HK1: variants seen among roughly 807,000 people sequenced by gnomAD.
HK1 encodes the protein hexokinase 1, also known as hexokinase-1.
Under a neutral mutation model 91.6 loss-of-function variants are expected in HK1, and 28 were observed. The observed-to-expected ratio is 0.31, with a 90% CI of 0.23 to 0.42. The LOEUF is 0.42. Among genes scored for constraint, HK1 ranks in the 10% least tolerant of loss-of-function variants. The pLI is 1.00. For synonymous variants in HK1, 430 were observed against 468.1 expected (o/e 0.92, Z 1.05); for missense variants, 770 against 1,219.8 (o/e 0.63, Z 5.49).
At chr10:69,384,731 G>T (rs1164323064) in intron 11 of HK1, 65 bp from the exon 12 acceptor site, 8 of 1,609,110 alleles carry the variant, frequency 5.0e-6, no homozygotes, top group Non-Finnish European at 6.0e-6. Context: ...ACACACTTTG[G>T]TCCATGTGCA....
rs183673818 is a variant in HK1 at position 69,397,529 on chromosome 10, A to G, written c.2376-1066A>G. Among the ~76,000 whole-genome samples, 518 of 152,272 alleles carry G rather than the reference A, an allele frequency of 3.4e-3. 15 individuals carry two copies. Among genetic ancestry groups the G allele is most frequent in the Admixed American group, 5.4e-3 (83 of 15,306 alleles). ...TGTATGACAAGACGCCTAGCAGGGC[A>G]TGGTGGGCTTTGGCAGGTCTGGTCT... On this transcript the variant is annotated intron_variant, in intron 16 of 17. Coordinates refer to ENST00000359426, the MANE Select transcript of HK1 (RefSeq NM_000188.3).
At chr10:69,279,868 G>A (rs550787400) in intron 1 of HK1, among the ~76,000 whole-genome samples, 219 of 152,332 alleles carry the variant, frequency 1.4e-3, no homozygotes, top group Admixed American at 2.5e-3. Flanking sequence ...CAGCTGGAGA[G>A]CACATGTGCT....
chr10:69,398,889 T>G, intron 17 of HK1, 61 bp downstream of exon 17: 1 of 1,333,598 alleles, frequency 7.5e-7, no homozygotes, highest in Admixed American at 1.7e-5. Context: ...GGTTAGGGGG[T>G]ATCAGGGTGT....
At chr10:69,295,692 A>ATTT in intron 4 of HK1, 2 of 1,452,464 alleles carry the variant, frequency 1.4e-6, no homozygotes, top group Non-Finnish European at 1.9e-6. Flanking sequence ...TAAGAAAGCT[A>ATTT]TTTTTTTTTT....
chr10:69,385,047 GC>G, intron 12 of HK1, 132 bp downstream of exon 12: 1 of 1,008,738 alleles, frequency 9.9e-7, no homozygotes, highest in Non-Finnish European at 1.6e-6. Context: ...AGTGGGTTGA[GC>G]CAGGCTTTAT....
intron 2 of HK1, among the ~76,000 whole-genome samples, chr10:69,346,629 G>A (rs1449644681): frequency 7.9e-5 from 12 of 151,696 alleles, no homozygotes. Flanking sequence ...ACCTCCCAAA[G>A]TGCTGGGATT....
At chr10:69,362,610 T>A (rs113559405) in intron 3 of HK1, among the ~76,000 whole-genome samples, 7,293 of 152,082 alleles carry the variant, frequency 0.048, 588 homozygotes, top group African/African-American at 0.17. Context: ...TTCTCAATGG[T>A]GCACTCTGGG....
At chr10:69,297,895 C>CAA (rs369327516) in intron 4 of HK1, among the ~76,000 whole-genome samples, 1 of 108,444 alleles carries the variant, frequency 9.2e-6, no homozygotes, top group Non-Finnish European at 1.9e-5. Context: ...AACTCTGTCT[C>CAA]AAAAAAAAAA....
At chr10:69,368,300 T>C (rs745933033) in intron 4 of HK1, among the ~76,000 whole-genome samples, 9 of 152,234 alleles carry the variant, frequency 5.9e-5, no homozygotes, top group Non-Finnish European at 1.3e-4. Flanking sequence ...TGGAGTGAAC[T>C]GGATATTGTG....
intron 8 of HK1, 129 bp downstream of exon 8, chr10:69,377,218 T>C: frequency 9.3e-7 from 1 of 1,072,032 alleles, no homozygotes; most frequent in Non-Finnish European, 1.4e-6. Flanking sequence ...TGGGTCCGTG[T>C]CCTCTCACTC....
chr10:69,298,907 C>T (rs1845705843), intron 4 of HK1, among the ~76,000 whole-genome samples: 1 of 151,564 alleles, frequency 6.6e-6, no homozygotes, highest in Admixed American at 6.6e-5. Context: ...ACTACTAGGC[C>T]ACCAAATTTT....
At position 69,277,397 on chromosome 10, in the gene HK1, G is replaced by A. The variant is rs11816128; in HGVS notation, c.-390-5132G>A. On this transcript the variant is annotated intron_variant, in intron 1 of 21. Coordinates refer to the HK1 transcript ENST00000360289. ...AGCCTGGGCAAAATGTTGAAACCCC[G>A]CCTCTATTAAAAATACAAAAATTAG... 4.8e-3 allele frequency among the ~76,000 whole-genome samples: 728 copies of A among 152,034 alleles called. 7 individuals are homozygous for A. Among genetic ancestry groups the A allele is most frequent in the African/African-American group, 0.017 (689 of 41,494 alleles).
At chr10:69,336,395 T>C (rs1462319519) in intron 1 of HK1, among the ~76,000 whole-genome samples, 1 of 151,946 alleles carries the variant, frequency 6.6e-6, no homozygotes, top group Non-Finnish European at 1.5e-5. Context: ...TTCTCCATGT[T>C]GGTCAGGCTG....
At chr10:69,288,309 A>T (rs1192147160) in intron 2 of HK1, among the ~76,000 whole-genome samples, 1 of 152,136 alleles carries the variant, frequency 6.6e-6, no homozygotes, top group Non-Finnish European at 1.5e-5. Context: ...TTCTAGAATG[A>T]CAGGCTGCCA....
At chr10:69,387,363 A>G (rs1051832254) in intron 13 of HK1, among the ~76,000 whole-genome samples, 1 of 152,176 alleles carries the variant, frequency 6.6e-6, no homozygotes, top group Non-Finnish European at 1.5e-5. Context: ...ATCTTGGCTC[A>G]CTGCAACCTC....
At chr10:69,322,925 A>G (rs550663622) in intron 1 of HK1, among the ~76,000 whole-genome samples, 1 of 148,358 alleles carries the variant, frequency 6.7e-6, no homozygotes, top group African/African-American at 2.5e-5. Flanking sequence ...ATTATTGCTC[A>G]GGGGTGAGAG....
intron 7 of HK1, among the ~76,000 whole-genome samples, chr10:69,370,711 A>G (rs187246352): frequency 6.6e-6 from 1 of 152,256 alleles, no homozygotes; most frequent in Admixed American, 6.5e-5. Flanking sequence ...AGTCATGTAG[A>G]CGTTAGGGAG....
At chr10:69,389,105 C>T (rs1839779350) in intron 13 of HK1, 92 bp from the exon 14 acceptor site, 1 of 908,838 alleles carries the variant, frequency 1.1e-6, no homozygotes, top group African/African-American at 1.6e-5. Context: ...TGACCAGTGG[C>T]TCTCTGACTG....
chr10:69,294,019 G>C (rs558537290), intron 3 of HK1, among the ~76,000 whole-genome samples: 2 of 151,348 alleles, frequency 1.3e-5, no homozygotes, highest in Non-Finnish European at 2.9e-5. Flanking sequence ...CCACCACCAC[G>C]CCCGGCTGAT....
Sources: allele counts gnomAD v4.1 joint callset (sites outside exome capture counted in the v4.1 genomes callset), GRCh38; gene constraint gnomAD v4.1.1; transcripts MANE v1.5; gene names NCBI Gene and HGNC (gene_info 2026-07-23, HGNC 2026-07-21).